Variants in BTNL9 observed in about 807,000 individuals in gnomAD.
BTNL9 encodes the protein butyrophilin like 9, also known as butyrophilin-like protein 9.
BTNL9 carries 45 observed loss-of-function variants against 45.8 expected under a neutral mutation model. That is an observed-to-expected ratio of 0.98 (90% confidence interval 0.77 to 1.26). BTNL9 has a LOEUF of 1.26. BTNL9 is among the 50% of genes most tolerant of loss of function. The pLI is 0.00. For synonymous variants in BTNL9, 346 were observed against 330.8 expected (o/e 1.05, Z -0.50); for missense variants, 784 against 729.7 (o/e 1.07, Z -0.86).
Position 181,047,907 on chromosome 5 carries a change from G to T in BTNL9, c.110-20G>T, listed in dbSNP as rs1258510267. ...AATTGGATGAGGGTTGCTTTTGCCTGTTCTGACTTGTCATCCTAGAGGTCA... is the reference window on the plus strand; with the variant it reads ...AATTGGATGAGGGTTGCTTTTGCCTTTTCTGACTTGTCATCCTAGAGGTCA... On this transcript the variant is annotated intron_variant, in intron 2 of 10. Transcript: ENST00000327705. The T allele has an allele frequency of 6.2e-7, 1 of 1,602,526 alleles. No homozygotes were observed. Among genetic ancestry groups the T allele is most frequent in the Admixed American group, 1.7e-5 (1 of 59,584 alleles).
At chr5:181,046,699 G>A (rs578115534) in intron 2 of BTNL9, among the ~76,000 whole-genome samples, 1 of 148,018 alleles carries the variant, frequency 6.8e-6, no homozygotes, top group African/African-American at 2.6e-5. Flanking sequence ...GAGAGAGAGC[G>A]AGAGAGAGAG....
rs1178922534 is a variant in BTNL9, at chr5:181,055,182, G to A, written c.908-251G>A. ...CTGGGAAGAGGCCTGTCAGTACTAA[G>A]ATCTGGTATCCCTTCTAGGCTGTGT... On this transcript the variant is annotated intron_variant, in intron 7 of 10. Coordinates refer to ENST00000327705, the MANE Select transcript of BTNL9 (RefSeq NM_152547.5). This position sits in a 1 kb window ranked among gnomAD's most constrained non-coding sequence, Gnocchi z 4.4. 1 of 1,347,700 alleles carries A rather than the reference G, an allele frequency of 7.4e-7. No individual in the cohort carries two copies. The highest frequency in any genetic ancestry group is 1.5e-5 in the African/African-American group (1 of 67,490). 83.5% of individuals were successfully genotyped at this position (1,347,700 alleles called of 1,614,324 possible).
chr5:181,058,227 T>G lies in BTNL9; in HGVS notation c.956-125T>G, dbSNP rs1761982390. 2.6e-6 allele frequency: 3 copies of G among 1,150,048 alleles called. No homozygotes were observed. In the South Asian group the frequency reaches 3.8e-5, roughly 15 times the overall value. The allele number at this position is 1,150,048 out of a possible 1,614,324, so 71.2% of individuals were successfully genotyped here. A position where few individuals can be genotyped will look rare whatever the true frequency, so the allele number is the denominator to read the frequency against. On this transcript the variant is annotated intron_variant, in intron 9 of 10. Transcript: ENST00000327705. ...AAGACCAGTCTGGATTCAAACCAGT[T>G]GTCACAGTGGGAATGGGGTCATTCG...
Position 181,048,183 on chromosome 5 carries a change from C to T in BTNL9, c.366C>T (p.Ser122=). 1 of 1,613,482 alleles carries T rather than the reference C, an allele frequency of 6.2e-7. No individual in the cohort carries two copies. Among genetic ancestry groups the T allele is most frequent in the South Asian group, 1.1e-5 (1 of 91,084 alleles). Residue 122 remains serine (S), a synonymous_variant, in exon 3 of 11, where the codon AGC becomes AGT. Transcript: ENST00000327705. ...AYGSVVLQLH[S]IIPSDKGTYG... is the part of the protein sequence containing the mutation. ...GCAGCGTGGTCCTGCAGCTTCACAG[C>T]ATCATCCCCTCTGACAAGGGCACAT...
At chr5:181,056,493 G>T (rs747098413) in intron 9 of BTNL9, 1 of 711,416 alleles carries the variant, frequency 1.4e-6, no homozygotes, top group South Asian at 1.5e-5. Context: ...AATATCCATC[G>T]CTGCCACTCG....
chr5:181,059,894 G>GA lies in BTNL9; in HGVS notation c.*32_*33insA. On this transcript the variant is annotated 3_prime_UTR_variant, in exon 11 of 11. Transcript: ENST00000327705. ...CTCGTGGCCGCGGGACTGGCCCCGG[G>GA]GGGCCCCCTGGATCCCAGGCCAGCG... 2 of 1,491,184 alleles carry GA rather than the reference G, an allele frequency of 1.3e-6. No individual in the cohort carries two copies. Among genetic ancestry groups the GA allele is most frequent in the East Asian group, 2.5e-5 (1 of 40,682 alleles). The allele number at this position is 1,491,184 out of a possible 1,614,324, so 92.4% of individuals were successfully genotyped here.
At chr5:181,049,243 GA>G (rs1761403672) in intron 3 of BTNL9, among the ~76,000 whole-genome samples, 1 of 151,848 alleles carries the variant, frequency 6.6e-6, no homozygotes. Context: ...CCTCCAATAT[GA>G]AAAAAGCATA....
chr5:181,059,845 G>A lies in BTNL9; in HGVS notation c.1591G>A (p.Ala531Thr), dbSNP rs554626414. The change falls in exon 11 of 11, where the codon GCC becomes ACC. Residue 531 changes from alanine to threonine, a missense_variant. By Grantham distance (58) the Ala-to-Thr change is moderately conservative (BLOSUM62 0). Coordinates refer to ENST00000327705, the MANE Select transcript of BTNL9 (RefSeq NM_152547.5). ...ACAGCCCTATGAGCCCGCGGACCCC[G>A]CCCTGGACTGGTGGTGAGGCGCCCT... is the stretch of plus-strand genomic sequence containing the variant. Reference protein sequence around the residue: ...WLQPYEPADPALDWW With the variant: ...WLQPYEPADPTLDWW 30 of 1,574,176 alleles carry A rather than the reference G, an allele frequency of 1.9e-5. No homozygotes were observed. Among genetic ancestry groups the A allele is most frequent in the Non-Finnish European group, 2.3e-5 (27 of 1,165,772 alleles).
At chr5:181,047,545 C>A in intron 2 of BTNL9, 1 of 976,212 alleles carries the variant, frequency 1.0e-6, no homozygotes, top group Non-Finnish European at 1.2e-6. Context: ...TATGCAAATA[C>A]GTATGTTTTT....
At chr5:181,056,338 T>C (rs1761881713) in intron 9 of BTNL9, among the ~76,000 whole-genome samples, 2 of 152,204 alleles carry the variant, frequency 1.3e-5, no homozygotes, top group South Asian at 2.1e-4. Context: ...TATTCACCCA[T>C]AATGCAGACA....
rs573244889 is a variant in BTNL9, at chr5:181,042,682, T to C, written c.-24+2250T>C. On this transcript the variant is annotated intron_variant, in intron 1 of 10. Transcript: ENST00000327705. This position sits in a 1 kb window ranked among gnomAD's most constrained non-coding sequence, Gnocchi z 4.5. ...TACCTGTTCCTCCTGGCTCAGAAGATGCTCTTGACAAAGTCTTAGGGAGAC... is the reference window on the plus strand; with the variant it reads ...TACCTGTTCCTCCTGGCTCAGAAGACGCTCTTGACAAAGTCTTAGGGAGAC... Among the ~76,000 whole-genome samples, 4 of 152,334 alleles carry C rather than the reference T, an allele frequency of 2.6e-5. No homozygotes were observed. Among genetic ancestry groups the C allele is most frequent in the African/African-American group, 9.6e-5 (4 of 41,576 alleles).
rs200210432 is a variant in BTNL9 at position 181,055,377 on chromosome 5, G to A, written c.908-56G>A. 1.9e-3 allele frequency: 2,990 copies of A among 1,614,148 alleles called. 2 individuals carry two copies. The highest frequency in any genetic ancestry group is 2.3e-3 in the Non-Finnish European group (2,717 of 1,180,016). ...AGCTCTTCCCAGTGGCCTGTCTTGG[G>A]AAGATGGTTCCACCCACCTGCAGGC... On this transcript the variant is annotated intron_variant, in intron 7 of 10. Coordinates refer to ENST00000327705, the MANE Select transcript of BTNL9 (RefSeq NM_152547.5). This position sits in a 1 kb window ranked among gnomAD's most constrained non-coding sequence, Gnocchi z 4.4.
At position 181,059,845 on chromosome 5, in the gene BTNL9, G is replaced by C; in HGVS notation, c.1591G>C (p.Ala531Pro). Residue 531 changes from alanine (A) to proline (P), a missense_variant, in exon 11 of 11, where the codon GCC (alanine) becomes CCC (proline). Ala to Pro is a conservative substitution (Grantham distance 27). Transcript: ENST00000327705. ...ACAGCCCTATGAGCCCGCGGACCCC[G>C]CCCTGGACTGGTGGTGAGGCGCCCT... ...WLQPYEPADP[A>P]LDWW The C allele has an allele frequency of 1.3e-6, 2 of 1,574,294 alleles. No homozygotes were observed. Among genetic ancestry groups the C allele is most frequent in the South Asian group, 1.1e-5 (1 of 88,282 alleles).
At chr5:181,040,881 C>G (rs1001833181) in intron 1 of BTNL9, among the ~76,000 whole-genome samples, 1 of 152,208 alleles carries the variant, frequency 6.6e-6, no homozygotes, top group Non-Finnish European at 1.5e-5. Context: ...TGCGGACTTG[C>G]AGCTTGGGGA....
rs111934728 is a variant in BTNL9, at chr5:181,053,391, C to A, written c.853+75C>A. 18 of 1,529,446 alleles carry A rather than the reference C, an allele frequency of 1.2e-5. No homozygotes were observed. Among genetic ancestry groups the A allele is most frequent in the African/African-American group, 6.9e-5 (5 of 72,444 alleles). The allele number at this position is 1,529,446 out of a possible 1,614,324, so 94.7% of individuals were successfully genotyped here. ...CCCGGGGCCGCGGAGGCGCCTCCCC[C>A]CAGGACGCGGCGCGGGAAGGCGGCC... On this transcript the variant is annotated intron_variant, in intron 5 of 10. Transcript: ENST00000327705. The surrounding 1 kb of genome is among the most constrained non-coding windows in gnomAD (Gnocchi z 6.5).
chr5:181,059,378 G>A lies in BTNL9; in HGVS notation c.1124G>A (p.Ser375Asn), dbSNP rs1465466312. 5.2e-6 allele frequency: 8 copies of A among 1,531,406 alleles called. No individual in the cohort carries two copies. Among genetic ancestry groups the A allele is most frequent in the African/African-American group, 1.4e-5 (1 of 71,076 alleles). The allele number at this position is 1,531,406 out of a possible 1,614,324, so 94.9% of individuals were successfully genotyped here. Residue 375 changes from serine (S) to asparagine (N), a missense_variant, in exon 11 of 11, where the codon AGC (serine) becomes AAC (asparagine). Physicochemically the swap from Ser to Asn is conservative, Grantham distance 46. Coordinates refer to ENST00000327705, the MANE Select transcript of BTNL9 (RefSeq NM_152547.5). ...QRFSEQTCALSLERFSAGRHY... is the reference protein window; with the variant it reads ...QRFSEQTCALNLERFSAGRHY... ...TTCTCGGAGCAGACGTGCGCGCTGA[G>A]CCTGGAGCGGTTCTCCGCCGGCCGC...
At position 181,045,565 on chromosome 5, in the gene BTNL9, C is replaced by G. The variant is rs748196562; in HGVS notation, c.76C>G (p.Leu26Val). ...LTSSLVFLMH[L>V]LLLQPGEPSS... ...CAGCAGTCTTGTCTTCCTCATGCAC[C>G]TCCTCCTCCTTCAGCCTGGGGAGCC... The change falls in exon 2 of 11, where the codon CTC becomes GTC. Residue 26 changes from leucine (L) to valine (V), a missense_variant. Leu to Val is a conservative substitution (Grantham distance 32). Transcript: ENST00000327705. The G allele has an allele frequency of 6.2e-7, 1 of 1,612,332 alleles. No homozygotes were observed.
chr5:181,045,779 C>T (rs533376478), intron 2 of BTNL9, among the ~76,000 whole-genome samples, 181 bp downstream of exon 2: 1 of 139,614 alleles, frequency 7.2e-6, no homozygotes, highest in African/African-American at 2.8e-5. Flanking sequence ...TAGTGATGTT[C>T]CTCCACCATC....
At chr5:181,045,411 G>A in intron 1 of BTNL9, 56 bp from the exon 2 acceptor site, 1 of 924,770 alleles carries the variant, frequency 1.1e-6, no homozygotes. Flanking sequence ...GATGGAGTGA[G>A]TTCCAGCTCC....
Sources: gnomAD v4.1 joint callset for allele counts (sites outside exome capture counted in the v4.1 genomes callset) on GRCh38, gnomAD v4.1.1 for gene constraint, Gnocchi (gnomAD v3.1) non-coding constraint, MANE v1.5 for transcripts, NCBI Gene and HGNC (gene_info 2026-07-23, HGNC 2026-07-21) for gene names.